Variants in OGFOD1 observed in about 807,000 individuals in gnomAD.
OGFOD1 encodes the protein 2-oxoglutarate and iron dependent oxygenase domain containing 1, also known as prolyl 3-hydroxylase OGFOD1.
Under a neutral mutation model 67.7 loss-of-function variants are expected in OGFOD1, and 54 were observed. The ratio of observed to expected loss-of-function variants is 0.80; its 90% CI spans 0.64 to 1.00. The LOEUF (loss-of-function observed/expected upper bound fraction) is 1.00. OGFOD1 is among the 50% of genes least tolerant of loss of function. The pLI is 0.00. For missense variants in OGFOD1, 606 were observed against 646.7 expected (o/e 0.94, Z 0.68); for synonymous variants, 221 against 227.0 (o/e 0.97, Z 0.24).
rs747606905 is a variant in OGFOD1, at chr16:56,462,534, G to A, written c.348G>A (p.Arg116=). 59 of 1,602,392 alleles carry A rather than the reference G, an allele frequency of 3.7e-5. No homozygotes were observed. The highest frequency in any genetic ancestry group is 4.5e-5 in the Non-Finnish European group (53 of 1,169,564). Reference sequence around the variant, plus strand: ...AGTTATCTTTTGTTTACATTTCTAGGAAAATTCTGTTTGAAGATTTCCGGT... The same window carrying A: ...AGTTATCTTTTGTTTACATTTCTAGAAAAATTCTGTTTGAAGATTTCCGGT... ...KRREPHISTL[R]KILFEDFRSW... is the part of the protein sequence containing the mutation. The change falls in exon 4 of 13, where the codon AGG becomes AGA. Residue 116 remains arginine, a splice_region_variant and synonymous_variant. Transcript: ENST00000566157.
rs753106684 is a variant in OGFOD1 at position 56,469,956 on chromosome 16, G to T, written c.901-47G>T. 2.6e-6 allele frequency: 4 copies of T among 1,541,980 alleles called. No homozygotes were observed. In the Admixed American group the frequency reaches 6.7e-5, roughly 26 times the overall value. Reference sequence around the variant, plus strand: ...GCTGTACCTGCCAAACCAGTGCGGGGTAATAGGGAGATCTGCTGAATGCTT... The same window carrying T: ...GCTGTACCTGCCAAACCAGTGCGGGTTAATAGGGAGATCTGCTGAATGCTT... On this transcript the variant is annotated intron_variant, in intron 8 of 12. Transcript: ENST00000566157.
chr16:56,459,695 A>AT (rs1275839201), intron 3 of OGFOD1, among the ~76,000 whole-genome samples: 10 of 152,250 alleles, frequency 6.6e-5, no homozygotes, highest in African/African-American at 2.4e-4. Flanking sequence ...TACTTAACAC[A>AT]TTTTTGTCAA....
At chr16:56,474,060 CAG>C (rs1370320810) in intron 10 of OGFOD1, among the ~76,000 whole-genome samples, 4 of 152,060 alleles carry the variant, frequency 2.6e-5, no homozygotes, top group African/African-American at 9.7e-5. Flanking sequence ...CTGCCTGCCT[CAG>C]AGGAGTACTA....
intron 11 of OGFOD1, 108 bp from the exon 12 acceptor site, chr16:56,475,391 TACTGCTGA>T: frequency 2.2e-6 from 2 of 908,018 alleles, no homozygotes; most frequent in Non-Finnish European, 3.6e-6. Flanking sequence ...TAGAACCAGT[TACTGCTGA>T]ACTCCCAGAT....
chr16:56,475,603 A>G (rs1022341515), intron 12 of OGFOD1, 38 bp downstream of exon 12: 7 of 1,580,026 alleles, frequency 4.4e-6, no homozygotes, highest in Non-Finnish European at 6.1e-6. Context: ...ATTTTTAGTT[A>G]TTGAGAATGC....
chr16:56,454,166 G>C (rs1454560244), intron 2 of OGFOD1, among the ~76,000 whole-genome samples: 1 of 152,124 alleles, frequency 6.6e-6, no homozygotes, highest in African/African-American at 2.4e-5. Context: ...TGGCCAACAT[G>C]GTGAAAACCC....
intron 3 of OGFOD1, among the ~76,000 whole-genome samples, chr16:56,460,040 G>A (rs1198313425): frequency 6.6e-6 from 1 of 152,076 alleles, no homozygotes; most frequent in Non-Finnish European, 1.5e-5. Flanking sequence ...TAGGCAGCTT[G>A]CACAATTTCT....
intron 2 of OGFOD1, among the ~76,000 whole-genome samples, chr16:56,455,162 TGGA>T (rs2143968651): frequency 6.6e-6 from 1 of 152,266 alleles, no homozygotes; most frequent in African/African-American, 2.4e-5. Context: ...GGTCAGGAGA[TGGA>T]GACCATCCTG....
intron 2 of OGFOD1, chr16:56,454,889 T>C: frequency 3.1e-6 from 1 of 323,308 alleles, no homozygotes; most frequent in South Asian, 2.2e-5. Flanking sequence ...CTCTTAATAA[T>C]TCAGAAAGCT....
rs961686780 is a variant in OGFOD1 at position 56,467,192 on chromosome 16, T to C, written c.685T>C (p.Ser229Pro). ...GTCTGAAGTGCTGTCTGAAGAAAAG[T>C]CACGTTTGTCTATAAGTGGCTGGTT... ...QVSEVLSEEK[S>P]RLSISGWFHG... Residue 229 changes from serine to proline, a missense_variant, in exon 7 of 13, where the codon TCA becomes CCA. Coordinates refer to ENST00000566157, the MANE Select transcript of OGFOD1 (RefSeq NM_018233.4). The C allele has an allele frequency of 1.9e-6, 3 of 1,614,016 alleles. No homozygotes were observed. The African/African-American group carries it at 4.0e-5, about 22-fold the overall frequency.
chr16:56,473,878 C>T (rs536581665), intron 10 of OGFOD1, among the ~76,000 whole-genome samples: 25 of 151,992 alleles, frequency 1.6e-4, no homozygotes, highest in Non-Finnish European at 3.2e-4. Flanking sequence ...GTGATCTCAG[C>T]TCACTGCAAC....
At chr16:56,454,905 C>A in intron 2 of OGFOD1, 1 of 291,212 alleles carries the variant, frequency 3.4e-6, no homozygotes. Flanking sequence ...AAGCTGAAAA[C>A]TAAACTGCTT....
intron 3 of OGFOD1, 65 bp downstream of exon 3, chr16:56,458,659 T>C: frequency 7.8e-7 from 1 of 1,280,776 alleles, no homozygotes; most frequent in Non-Finnish European, 1.1e-6. Flanking sequence ...GTGCTTTAAA[T>C]GTTACAACAT....
chr16:56,459,294 C>T (rs907618076), intron 3 of OGFOD1, among the ~76,000 whole-genome samples: 3 of 150,888 alleles, frequency 2.0e-5, no homozygotes, highest in South Asian at 2.1e-4. Context: ...GAGCCGAGAT[C>T]GAGCCCGTTG....
intron 3 of OGFOD1, 88 bp from the exon 4 acceptor site, chr16:56,462,446 G>A (rs559958196): frequency 3.9e-4 from 292 of 751,010 alleles, no homozygotes; most frequent in Non-Finnish European, 4.4e-4. Flanking sequence ...TGATCTCCAG[G>A]AAAGAAAAGT....
intron 3 of OGFOD1, among the ~76,000 whole-genome samples, chr16:56,460,113 AC>A (rs1407541973): frequency 6.6e-6 from 1 of 152,080 alleles, no homozygotes; most frequent in African/African-American, 2.4e-5. Context: ...ATTTACTTAG[AC>A]TTTTTTCCCC....
In OGFOD1 at chr16:56,467,227, A is replaced by G. The variant is rs751768960; in HGVS notation, c.720A>G (p.Pro240=). Residue 240 remains proline (P), a synonymous_variant, in exon 7 of 13, where the codon CCA becomes CCG. Coordinates refer to ENST00000566157, the MANE Select transcript of OGFOD1 (RefSeq NM_018233.4). Reference sequence around the variant, plus strand: ...CTATAAGTGGCTGGTTTCATGGTCCATCATTGACTCGGCCTCCCAACTACT... The same window carrying G: ...CTATAAGTGGCTGGTTTCATGGTCCGTCATTGACTCGGCCTCCCAACTACT... The part of the protein sequence containing the change: ...RLSISGWFHG[P]SLTRPPNYFE... The G allele has an allele frequency of 3.7e-5, 59 of 1,614,016 alleles. No individual in the cohort carries two copies. The highest frequency in any genetic ancestry group is 4.7e-5 in the Non-Finnish European group (56 of 1,180,022).
intron 4 of OGFOD1, among the ~76,000 whole-genome samples, chr16:56,465,096 T>G (rs1290762162): frequency 6.6e-6 from 1 of 151,684 alleles, no homozygotes; most frequent in African/African-American, 2.4e-5. Flanking sequence ...GCCTCCTGGG[T>G]TCAAGCGATT....
intron 8 of OGFOD1, 34 bp from the exon 9 acceptor site, chr16:56,469,969 C>G (rs1307488753): frequency 6.3e-7 from 1 of 1,593,450 alleles, no homozygotes; most frequent in Admixed American, 1.7e-5. Flanking sequence ...ATAGGGAGAT[C>G]TGCTGAATGC....
Sources: allele counts gnomAD v4.1 joint callset (sites outside exome capture counted in the v4.1 genomes callset), GRCh38; gene constraint gnomAD v4.1.1; transcripts MANE v1.5; gene names NCBI Gene and HGNC (gene_info 2026-07-23, HGNC 2026-07-21).